CNBD1: variants seen among roughly 807,000 people sequenced by gnomAD.
The protein encoded by CNBD1 is cyclic nucleotide-binding domain-containing protein 1.
In CNBD1, 71 loss-of-function variants were observed where a neutral mutation model predicts 54.4. The observed-to-expected ratio is 1.30, with a 90% CI of 1.08 to 1.59. The LOEUF is 1.59. CNBD1 is among the 40% of genes most tolerant of loss of function. The pLI, the probability that CNBD1 is intolerant of heterozygous loss-of-function variation, is 0.00. For synonymous variants in CNBD1, 182 were observed against 170.7 expected (o/e 1.07, Z -0.51); for missense variants, 659 against 518.0 (o/e 1.27, Z -2.64).
At chr8:87,060,694 A>G (rs891681778) in intron 4 of CNBD1, among the ~76,000 whole-genome samples, 2 of 152,168 alleles carry the variant, frequency 1.3e-5, no homozygotes, top group Non-Finnish European at 2.9e-5. Flanking sequence ...GAAAAAGCCT[A>G]CATGAATATT....
At chr8:87,039,085 T>C (rs1259196444) in intron 4 of CNBD1, among the ~76,000 whole-genome samples, 1 of 152,190 alleles carries the variant, frequency 6.6e-6, no homozygotes, top group Non-Finnish European at 1.5e-5. Context: ...TGACCTCTTT[T>C]TTCTGCTATT....
intron 4 of CNBD1, among the ~76,000 whole-genome samples, chr8:86,958,124 G>T (rs541447132): frequency 1.3e-5 from 2 of 152,180 alleles, no homozygotes; most frequent in African/African-American, 2.4e-5. Flanking sequence ...TCAGTTTCCA[G>T]GTAGTTAAGT....
intron 4 of CNBD1, among the ~76,000 whole-genome samples, chr8:87,032,169 G>A (rs73273702): frequency 0.03 from 4,565 of 152,168 alleles, 234 homozygotes; most frequent in African/African-American, 0.1. Flanking sequence ...GCCTAATCTA[G>A]TCAGTTTTTT....
chr8:86,994,558 A>G (rs1418492885), intron 4 of CNBD1, among the ~76,000 whole-genome samples: 3 of 152,198 alleles, frequency 2.0e-5, no homozygotes, highest in South Asian at 4.1e-4. Context: ...TCAAATGTCC[A>G]TGAGGGACAC....
At chr8:86,884,282 C>G (rs1808649489) in intron 1 of CNBD1, among the ~76,000 whole-genome samples, 1 of 152,156 alleles carries the variant, frequency 6.6e-6, no homozygotes, top group Admixed American at 6.5e-5. Flanking sequence ...TTAACCCACC[C>G]AGTCAATGAA....
chr8:87,004,054 G>GTA (rs924572447), intron 4 of CNBD1, among the ~76,000 whole-genome samples: 5 of 151,990 alleles, frequency 3.3e-5, no homozygotes, highest in African/African-American at 9.7e-5. Context: ...GTGACATACC[G>GTA]TATATATATA....
intron 8 of CNBD1, among the ~76,000 whole-genome samples, chr8:87,331,382 G>A (rs1809827355): frequency 1.3e-5 from 2 of 152,156 alleles, no homozygotes; most frequent in Admixed American, 6.5e-5. Flanking sequence ...TCCCTGCAAA[G>A]GACATGATCT....
chr8:87,092,521 G>T lies in CNBD1; in HGVS notation c.432-113472G>T, dbSNP rs186953874. Among the ~76,000 whole-genome samples the T allele has an allele frequency of 2.8e-4, 41 of 145,716 alleles. 1 individual carries two copies. In the East Asian group the frequency reaches 7.7e-3, roughly 27 times the overall value. On this transcript the variant is annotated intron_variant, in intron 4 of 10. Coordinates refer to ENST00000518476, the MANE Select transcript of CNBD1 (RefSeq NM_173538.3). ...TATATATATGTGTGTGTGTGTATGT[G>T]TGTGTATGTATGTATGTGTGTGTAT...
chr8:87,387,049 G>A (rs567092978), downstream of CNBD1, among the ~76,000 whole-genome samples: 3 of 152,224 alleles, frequency 2.0e-5, no homozygotes, highest in South Asian at 6.2e-4. Flanking sequence ...TACAGACAAG[G>A]AAATGCTGAG....
At chr8:87,230,005 A>C (rs963225212) in intron 5 of CNBD1, among the ~76,000 whole-genome samples, 5 of 152,168 alleles carry the variant, frequency 3.3e-5, no homozygotes, top group Non-Finnish European at 5.9e-5. Flanking sequence ...CAGTCTGTAT[A>C]GGAGCCATGA....
At chr8:87,130,911 A>T (rs987803740) in intron 4 of CNBD1, among the ~76,000 whole-genome samples, 1 of 151,890 alleles carries the variant, frequency 6.6e-6, no homozygotes, top group East Asian at 1.9e-4. Flanking sequence ...AGATATGTGC[A>T]TATCTATGAT....
chr8:87,193,350 G>A (rs969421039), intron 4 of CNBD1, among the ~76,000 whole-genome samples: 1 of 152,132 alleles, frequency 6.6e-6, no homozygotes, highest in South Asian at 2.1e-4. Context: ...TATTGATTTA[G>A]TATTTTTAAT....
At chr8:86,993,965 T>C (rs144168395) in intron 4 of CNBD1, among the ~76,000 whole-genome samples, 5 of 152,314 alleles carry the variant, frequency 3.3e-5, no homozygotes, top group Non-Finnish European at 7.4e-5. Flanking sequence ...TGTTCTGGAC[T>C]ACAGGGCTCT....
At chr8:86,938,601 A>G (rs1287935011) in intron 3 of CNBD1, among the ~76,000 whole-genome samples, 1 of 152,174 alleles carries the variant, frequency 6.6e-6, no homozygotes, top group Non-Finnish European at 1.5e-5. Flanking sequence ...TCCTTTATAA[A>G]ACCATCAGAT....
chr8:87,035,850 A>C (rs1364741158), intron 4 of CNBD1, among the ~76,000 whole-genome samples: 1 of 152,116 alleles, frequency 6.6e-6, no homozygotes, highest in Non-Finnish European at 1.5e-5. Context: ...TGTATTGCTA[A>C]TGTTACCTTA....
At chr8:87,427,189 A>G (rs959809890) in intron 2 of CNBD1, among the ~76,000 whole-genome samples, 1 of 152,102 alleles carries the variant, frequency 6.6e-6, no homozygotes, top group Non-Finnish European at 1.5e-5. Flanking sequence ...CCATACCCTA[A>G]GAGTCTGCTA....
intron 4 of CNBD1, among the ~76,000 whole-genome samples, chr8:86,970,859 G>A (rs772805318): frequency 1.6e-4 from 25 of 151,990 alleles, no homozygotes; most frequent in Non-Finnish European, 3.7e-4. Flanking sequence ...ATCCACCACT[G>A]AAGGGCACCT....
At chr8:87,427,297 T>A (rs1808067215) in intron 2 of CNBD1, among the ~76,000 whole-genome samples, 1 of 152,142 alleles carries the variant, frequency 6.6e-6, no homozygotes, top group Non-Finnish European at 1.5e-5. Context: ...GGGTATAAAA[T>A]TGTTTCACTG....
chr8:87,427,938 C>G (rs1043184938), intron 2 of CNBD1, among the ~76,000 whole-genome samples: 1 of 151,934 alleles, frequency 6.6e-6, no homozygotes. Flanking sequence ...TTCACCAAAG[C>G]CCCCCCAGCA....
Sources: allele counts gnomAD v4.1 joint callset (sites outside exome capture counted in the v4.1 genomes callset), GRCh38; gene constraint gnomAD v4.1.1; transcripts MANE v1.5; gene names NCBI Gene and HGNC (gene_info 2026-07-23, HGNC 2026-07-21).